PTPN23: variants seen among roughly 807,000 people sequenced by gnomAD.
The protein encoded by PTPN23 is protein tyrosine phosphatase non-receptor type 23.
Under a neutral mutation model 156.3 loss-of-function variants are expected in PTPN23, and 72 were observed. That is an observed-to-expected ratio of 0.46 (90% CI 0.38 to 0.56). The LOEUF (loss-of-function observed/expected upper bound fraction) is 0.56, where lower values mean the gene tolerates loss of function less well. Among genes scored for constraint, PTPN23 ranks in the 20% least tolerant of loss-of-function variants. The pLI is 0.00. For synonymous variants in PTPN23, 957 were observed against 899.6 expected (o/e 1.06, Z -1.14); for missense variants, 1,974 against 2,171.5 (o/e 0.91, Z 1.81).
chr3:47,412,040 GC>G, intron 21 of PTPN23, 53 bp from the exon 22 acceptor site: 1 of 1,609,254 alleles, frequency 6.2e-7, no homozygotes, highest in Admixed American at 1.7e-5. Flanking sequence ...AGGGATGAGA[GC>G]CTCAGGTCAG....
chr3:47,410,080 C>T lies in PTPN23; in HGVS notation c.2282C>T (p.Thr761Ile), dbSNP rs201511460. 42 of 1,611,676 alleles carry T rather than the reference C, an allele frequency of 2.6e-5. No homozygotes were observed. The African/African-American group carries it at 4.9e-4, about 19-fold the overall frequency. Residue 761 changes from threonine (T) to isoleucine (I), a missense_variant, in exon 20 of 25, where the codon ACC becomes ATC. Thr to Ile is a moderately conservative substitution (Grantham distance 89, BLOSUM62 -1). Around this residue, in one of 4 missense-constraint regions of PTPN23, gnomAD observed 731 missense variants for 669.1 expected, o/e 1.09. Transcript: ENST00000265562. Reference sequence around the variant, plus strand: ...GTGGCTGGCCCACGACTGCCTGACACCTTCCTGGGAAGTGCCACCCCGCTC... The same window carrying T: ...GTGGCTGGCCCACGACTGCCTGACATCTTCCTGGGAAGTGCCACCCCGCTC... ...DMVAGPRLPD[T>I]FLGSATPLHF...
In PTPN23 at chr3:47,407,652, A is replaced by G. The variant is rs772307569; in HGVS notation, c.1004-45A>G. On this transcript the variant is annotated intron_variant, in intron 12 of 24. Transcript: ENST00000265562. The surrounding 1 kb of genome is among the most constrained non-coding windows in gnomAD (Gnocchi z 4.0). ...GGGACAGGACACAGGAGGCTGCCTCAAGGACTCTGCGTGGGCCTGATCTCC... is the reference window on the plus strand; with the variant it reads ...GGGACAGGACACAGGAGGCTGCCTCGAGGACTCTGCGTGGGCCTGATCTCC... 7.8e-5 allele frequency: 125 copies of G among 1,607,952 alleles called. No individual in the cohort carries two copies. The highest frequency in any genetic ancestry group is 9.8e-5 in the Non-Finnish European group (115 of 1,174,780).
chr3:47,386,483 T>C (rs1259575548), intron 1 of PTPN23, among the ~76,000 whole-genome samples: 1 of 152,162 alleles, frequency 6.6e-6, no homozygotes, highest in African/African-American at 2.4e-5. Flanking sequence ...CACACTCTTG[T>C]TGCCTTTTTT....
rs1338531883 is a variant in PTPN23 at position 47,412,966 on chromosome 3, G to A, written c.4692G>A (p.Val1564=). ...CCCAGCCTAAGGAGGAGCCGCCAGT[G>A]CCTGAAGCCCCCAGCTCGGGGCCCC... ...EAPQPKEEPP[V]PEAPSSGPPS... Residue 1564 remains valine, a synonymous_variant, in exon 25 of 25, where the codon GTG becomes GTA. Transcript: ENST00000265562. The A allele has an allele frequency of 6.2e-7, 1 of 1,605,578 alleles. No homozygotes were observed. Among genetic ancestry groups the A allele is most frequent in the Admixed American group, 1.7e-5 (1 of 59,092 alleles).
intron 2 of PTPN23, 30 bp downstream of exon 2, chr3:47,396,247 T>C: frequency 1.3e-6 from 2 of 1,567,086 alleles, no homozygotes; most frequent in Non-Finnish European, 1.8e-6. Context: ...TTTTTATGCA[T>C]GGGTAGACAG....
chr3:47,381,631 CAG>C (rs1704541362), intron 1 of PTPN23, among the ~76,000 whole-genome samples: 1 of 152,164 alleles, frequency 6.6e-6, no homozygotes, highest in Non-Finnish European at 1.5e-5. Flanking sequence ...GGGGATGGCT[CAG>C]GGGCGTGTGT....
rs771765913 is a variant in PTPN23, at chr3:47,412,590, C to T, written c.4394C>T (p.Pro1465Leu). Residue 1465 changes from proline (P) to leucine (L), a missense_variant, in exon 24 of 25, where the codon CCA becomes CTA. By Grantham distance (98) the Pro-to-Leu change is moderately conservative. Around this residue, in one of 4 missense-constraint regions of PTPN23, gnomAD observed 484 missense variants for 516.0 expected, o/e 0.94. Coordinates refer to ENST00000265562, the MANE Select transcript of PTPN23 (RefSeq NM_015466.4). ...CTGCAGCGCCATGGTGTGCCTCCTC[C>T]ATGCAAACCCTTGGCCAGTGCAAGC... ...QVLQRHGVPP[P>L]CKPLASASIS... 6.2e-7 allele frequency: 1 copy of T among 1,613,732 alleles called. No individual in the cohort carries two copies. The highest frequency in any genetic ancestry group is 1.7e-5 in the Admixed American group (1 of 60,016).
At position 47,407,367 on chromosome 3, in the gene PTPN23, AGT is replaced by A. The variant is rs746140155; in HGVS notation, c.923+2_923+3del. The A allele has an allele frequency of 6.2e-7, 1 of 1,613,948 alleles. No individual in the cohort carries two copies. On this transcript the variant is annotated splice_donor_variant, in intron 11 of 24. Transcript: ENST00000265562. LOFTEE classifies it high-confidence loss of function. This position sits in a 1 kb window ranked among gnomAD's most constrained non-coding sequence, Gnocchi z 4.0. ...TTCACTATGGATGTCATTGGGGGAA[AGT>A]GAGTCTGTGGGGGTGGCCCTGGTTC...
At position 47,411,244 on chromosome 3, in the gene PTPN23, C is replaced by T. The variant is rs1705280179; in HGVS notation, c.3446C>T (p.Ala1149Val). The T allele has an allele frequency of 6.2e-7, 1 of 1,608,180 alleles. No homozygotes were observed. The highest frequency in any genetic ancestry group is 1.1e-5 in the South Asian group (1 of 91,020). Reference sequence around the variant, plus strand: ...CTGCAGCCCACCAAGGTGGATGCAGCTGAGGGTCGTCGGCCGCAGGCCCTG... The same window carrying T: ...CTGCAGCCCACCAAGGTGGATGCAGTTGAGGGTCGTCGGCCGCAGGCCCTG... ...PLLQPTKVDA[A>V]EGRRPQALRL... Residue 1149 changes from alanine to valine, a missense_variant, in exon 20 of 25, where the codon GCT becomes GTT. Coordinates refer to ENST00000265562, the MANE Select transcript of PTPN23 (RefSeq NM_015466.4). The surrounding 1 kb of genome is among the most constrained non-coding windows in gnomAD (Gnocchi z 6.3).
Position 47,412,184 on chromosome 3 carries a change from C to A in PTPN23, c.4164C>A (p.Ile1388=), listed in dbSNP as rs1363972307. 1.2e-6 allele frequency: 2 copies of A among 1,613,234 alleles called. No homozygotes were observed. Among genetic ancestry groups the A allele is most frequent in the Admixed American group, 3.3e-5 (2 of 60,032 alleles). The change falls in exon 22 of 25, where the codon ATC becomes ATA. Residue 1388 remains isoleucine, a synonymous_variant. Coordinates refer to ENST00000265562, the MANE Select transcript of PTPN23 (RefSeq NM_015466.4). The stretch of plus-strand genomic sequence containing the variant: ...ATCAGCGGCCGCTGCACACGCCCAT[C>A]ATTGTGCACTGCAGGTAGAGGGTGG... ...YLHQRPLHTP[I]IVHCSSGVGR...
intron 2 of PTPN23, 91 bp from the exon 3 acceptor site, chr3:47,404,561 G>A: frequency 6.5e-7 from 1 of 1,539,356 alleles, no homozygotes; most frequent in Non-Finnish European, 8.9e-7. Flanking sequence ...GGCCAGCTGT[G>A]ATGCATTTTC....
intron 1 of PTPN23, among the ~76,000 whole-genome samples, chr3:47,389,622 C>T (rs879519158): frequency 1.6e-4 from 24 of 152,130 alleles, no homozygotes; most frequent in Non-Finnish European, 3.1e-4. Context: ...GGGTGGATCA[C>T]GAGATCAGGA....
In PTPN23 at chr3:47,403,055, C is replaced by CTT. The variant is rs1007913831; in HGVS notation, c.160-1583_160-1582dup. 1.7e-3 allele frequency among the ~76,000 whole-genome samples: 229 copies of CTT among 138,482 alleles called. 4 individuals carry two copies. In the East Asian group the frequency reaches 0.032, roughly 19 times the overall value. 90.8% of individuals were successfully genotyped at this position (138,482 alleles called of 152,430 possible). On this transcript the variant is annotated intron_variant, in intron 2 of 24. Coordinates refer to ENST00000265562, the MANE Select transcript of PTPN23 (RefSeq NM_015466.4). ...TTTGTATGATCCCATTTGTTACATT[C>CTT]TTTTTTTTTTTTTTTGAGACGGAGT...
rs1705104255 is a variant in PTPN23, at chr3:47,405,684, T to C, written c.365-65T>C. The C allele has an allele frequency of 5.9e-6, 9 of 1,517,140 alleles. No homozygotes were observed. The Admixed American group carries it at 7.6e-5, about 13-fold the overall frequency. 94.0% of individuals were successfully genotyped at this position (1,517,140 alleles called of 1,614,324 possible). ...GATTGTGGATAACAGCAGTGCCCCC[T>C]CTGTCTCACCTTCACATGGGTGTGA... On this transcript the variant is annotated intron_variant, in intron 4 of 24. Coordinates refer to ENST00000265562, the MANE Select transcript of PTPN23 (RefSeq NM_015466.4). This position sits in a 1 kb window ranked among gnomAD's most constrained non-coding sequence, Gnocchi z 4.7.
Position 47,412,185 on chromosome 3 carries a change from A to C in PTPN23, c.4165A>C (p.Ile1389Leu). Residue 1389 changes from isoleucine to leucine, a missense_variant, in exon 22 of 25, where the codon ATT becomes CTT. Ile to Leu is a conservative substitution (Grantham distance 5, BLOSUM62 2). Around this residue, in one of 4 missense-constraint regions of PTPN23, gnomAD observed 484 missense variants for 516.0 expected, o/e 0.94. Transcript: ENST00000265562. ...LHQRPLHTPI[I>L]VHCSSGVGRT... Reference sequence around the variant, plus strand: ...TCAGCGGCCGCTGCACACGCCCATCATTGTGCACTGCAGGTAGAGGGTGGG... The same window carrying C: ...TCAGCGGCCGCTGCACACGCCCATCCTTGTGCACTGCAGGTAGAGGGTGGG... The C allele has an allele frequency of 1.2e-6, 2 of 1,613,152 alleles. No homozygotes were observed. The highest frequency in any genetic ancestry group is 1.7e-6 in the Non-Finnish European group (2 of 1,180,000).
At chr3:47,388,491 G>T (rs1382338687) in intron 1 of PTPN23, among the ~76,000 whole-genome samples, 1 of 151,876 alleles carries the variant, frequency 6.6e-6, no homozygotes, top group African/African-American at 2.4e-5. Flanking sequence ...AAATTAATGG[G>T]GTACTTGATA....
chr3:47,399,394 G>A (rs1202760717), intron 2 of PTPN23, among the ~76,000 whole-genome samples: 1 of 152,168 alleles, frequency 6.6e-6, no homozygotes, highest in Non-Finnish European at 1.5e-5. Context: ...TCTTGGTGGG[G>A]AGACCAAGCT....
At chr3:47,389,840 C>CA (rs34520125) in intron 1 of PTPN23, among the ~76,000 whole-genome samples, 376 of 31,358 alleles carry the variant, frequency 0.012, 5 homozygotes, top group Non-Finnish European at 0.016. Context: ...GACTCCGTCT[C>CA]AAAAAAAAAA....
chr3:47,405,700 A>C lies in PTPN23; in HGVS notation c.365-49A>C. The C allele has an allele frequency of 6.4e-7, 1 of 1,566,654 alleles. No homozygotes were observed. The highest frequency in any genetic ancestry group is 8.7e-7 in the Non-Finnish European group (1 of 1,151,812). On this transcript the variant is annotated intron_variant, in intron 4 of 24. Transcript: ENST00000265562. The surrounding 1 kb of genome is among the most constrained non-coding windows in gnomAD (Gnocchi z 4.7). The stretch of plus-strand genomic sequence containing the variant: ...AGTGCCCCCTCTGTCTCACCTTCAC[A>C]TGGGTGTGAGCAGCCCCAGGCCCCT...
Sources: allele counts gnomAD v4.1 joint callset (sites outside exome capture counted in the v4.1 genomes callset), GRCh38; gene constraint gnomAD v4.1.1; regional missense constraint gnomAD v4.1.1; non-coding constraint Gnocchi (gnomAD v3.1); transcripts MANE v1.5; gene names NCBI Gene and HGNC (gene_info 2026-07-23, HGNC 2026-07-21).